The following EPHA7 variants were observed in gnomAD, a reference collection of about 807,000 sequenced individuals.
The protein encoded by EPHA7 is ephrin type-A receptor 7.
A neutral mutation model predicts 112.6 loss-of-function variants in EPHA7; 25 were observed. That is an observed-to-expected ratio of 0.22 (90% CI 0.16 to 0.31). The LOEUF (loss-of-function observed/expected upper bound fraction) is 0.31. EPHA7 is among the 10% of genes least tolerant of loss of function. The probability of loss-of-function intolerance (pLI) is 1.00; values close to 1 mark genes in which losing one functional copy is unlikely to be tolerated. For synonymous variants in EPHA7, 437 were observed against 406.5 expected (o/e 1.07, Z -0.90); for missense variants, 962 against 1,212.6 (o/e 0.79, Z 3.07).
intron 5 of EPHA7, among the ~76,000 whole-genome samples, chr6:93,294,645 T>C (rs961198840): frequency 6.6e-6 from 1 of 152,112 alleles, no homozygotes; most frequent in African/African-American, 2.4e-5. Context: ...ATATATAACA[T>C]GTATAATCAT....
At chr6:93,359,329 G>C (rs946269984) in intron 3 of EPHA7, among the ~76,000 whole-genome samples, 1 of 151,118 alleles carries the variant, frequency 6.6e-6, no homozygotes, top group African/African-American at 2.4e-5. Context: ...TGAAAATTTA[G>C]CAAGTTATTT....
chr6:93,409,701 C>G (rs752276735), intron 3 of EPHA7: 1 of 151,360 alleles, frequency 6.6e-6, no homozygotes, highest in African/African-American at 2.4e-5. Flanking sequence ...AACAGAATAT[C>G]TATCAATCTT....
chr6:93,254,703 T>C lies in EPHA7; in HGVS notation c.2476A>G (p.Met826Val), dbSNP rs766582260. 1 of 1,613,816 alleles carries C rather than the reference T, an allele frequency of 6.2e-7. No homozygotes were observed. Residue 826 changes from methionine (M) to valine (V), a missense_variant, in exon 14 of 17, where the codon ATG (methionine) becomes GTG (valine). By Grantham distance (21) the Met-to-Val change is conservative (BLOSUM62 1). Transcript: ENST00000369303. ...ASDVWSYGIV[M>V]WEVMSYGERP... ...TCTCCATAAGACATAACTTCCCACATGACTATTCCATAGCTCCATACATCA... is the reference window on the plus strand; with the variant it reads ...TCTCCATAAGACATAACTTCCCACACGACTATTCCATAGCTCCATACATCA...
intron 5 of EPHA7, among the ~76,000 whole-genome samples, chr6:93,292,308 T>C (rs1290868079): frequency 6.6e-6 from 1 of 152,194 alleles, no homozygotes; most frequent in African/African-American, 2.4e-5. Flanking sequence ...GTAAATGCAG[T>C]CATAAATACA....
chr6:93,397,500 T>C (rs1400782566), intron 3 of EPHA7, among the ~76,000 whole-genome samples: 2 of 151,890 alleles, frequency 1.3e-5, no homozygotes, highest in African/African-American at 4.8e-5. Flanking sequence ...CTGAAGAATA[T>C]GCAATGTTTT....
intron 5 of EPHA7, among the ~76,000 whole-genome samples, chr6:93,343,748 C>T (rs1457543836): frequency 6.6e-6 from 1 of 151,608 alleles, no homozygotes; most frequent in Admixed American, 6.6e-5. Flanking sequence ...CCATTTCATC[C>T]TTGGATTGAA....
chr6:93,275,030 T>C (rs1771404792), intron 5 of EPHA7, among the ~76,000 whole-genome samples: 1 of 151,924 alleles, frequency 6.6e-6, no homozygotes, highest in African/African-American at 2.4e-5. Context: ...ATTGTAACAA[T>C]CTCACTAAAA....
At chr6:93,348,492 A>C (rs1478525254) in intron 5 of EPHA7, among the ~76,000 whole-genome samples, 1 of 151,890 alleles carries the variant, frequency 6.6e-6, no homozygotes, top group African/African-American at 2.4e-5. Context: ...CTTTCAAAAT[A>C]TGAAGCATTA....
intron 3 of EPHA7, among the ~76,000 whole-genome samples, chr6:93,389,565 G>T (rs1000693842): frequency 1.3e-5 from 2 of 151,850 alleles, no homozygotes; most frequent in Non-Finnish European, 2.9e-5. Context: ...ACTTATTTAC[G>T]CATTACAAAA....
chr6:93,373,636 G>A (rs1241870055), intron 3 of EPHA7, among the ~76,000 whole-genome samples: 1 of 151,998 alleles, frequency 6.6e-6, no homozygotes, highest in African/African-American at 2.4e-5. Flanking sequence ...TTTAATTAGA[G>A]AGCTTAGATG....
intron 5 of EPHA7, among the ~76,000 whole-genome samples, chr6:93,331,942 A>C (rs563075272): frequency 6.6e-6 from 1 of 151,608 alleles, no homozygotes; most frequent in Non-Finnish European, 1.5e-5. Context: ...TGCCTCACAC[A>C]GTTCAGTTCA....
At chr6:93,291,349 G>C (rs1772351862) in intron 5 of EPHA7, among the ~76,000 whole-genome samples, 1 of 151,960 alleles carries the variant, frequency 6.6e-6, no homozygotes, top group Non-Finnish European at 1.5e-5. Flanking sequence ...AGGCTTTTAC[G>C]GTTTTTGTTT....
intron 5 of EPHA7, among the ~76,000 whole-genome samples, chr6:93,341,154 G>A (rs555392157): frequency 1.3e-5 from 2 of 152,018 alleles, no homozygotes; most frequent in African/African-American, 4.8e-5. Flanking sequence ...TTAAAATAAT[G>A]GCAGATATTT....
At chr6:93,342,293 A>G (rs1006816385) in intron 5 of EPHA7, among the ~76,000 whole-genome samples, 1 of 139,924 alleles carries the variant, frequency 7.1e-6, no homozygotes, top group African/African-American at 2.6e-5. Context: ...TCATGATACC[A>G]TAAGACAAAA....
At chr6:93,372,117 G>C (rs1424736119) in intron 3 of EPHA7, among the ~76,000 whole-genome samples, 1 of 152,060 alleles carries the variant, frequency 6.6e-6, no homozygotes, top group Non-Finnish European at 1.5e-5. Flanking sequence ...TAAAAGCTAA[G>C]GGGTGAATGA....
intron 5 of EPHA7, among the ~76,000 whole-genome samples, chr6:93,350,977 A>G (rs1329046342): frequency 6.6e-6 from 1 of 152,076 alleles, no homozygotes; most frequent in Non-Finnish European, 1.5e-5. Context: ...CACACTCTGA[A>G]TGCTGCCACT....
At chr6:93,277,754 C>CA (rs1771537904) in intron 5 of EPHA7, among the ~76,000 whole-genome samples, 1 of 151,404 alleles carries the variant, frequency 6.6e-6, no homozygotes, top group South Asian at 2.1e-4. Flanking sequence ...GTAAAATATA[C>CA]AATATAGTAA....
At chr6:93,390,159 A>G (rs1051531406) in intron 3 of EPHA7, among the ~76,000 whole-genome samples, 1 of 151,760 alleles carries the variant, frequency 6.6e-6, no homozygotes, top group South Asian at 2.1e-4. Flanking sequence ...TGAATCTAAC[A>G]TTTAAAGAAA....
chr6:93,349,816 A>T (rs1775600223), intron 5 of EPHA7, among the ~76,000 whole-genome samples: 1 of 151,946 alleles, frequency 6.6e-6, no homozygotes, highest in East Asian at 1.9e-4. Flanking sequence ...GTGTCCATTA[A>T]ATCATTGAAA....
Sources: gnomAD v4.1 joint callset for allele counts (sites outside exome capture counted in the v4.1 genomes callset) on GRCh38, gnomAD v4.1.1 for gene constraint, MANE v1.5 for transcripts, NCBI Gene and HGNC (gene_info 2026-07-23, HGNC 2026-07-21) for gene names.